The following WWP2 variants were observed in gnomAD, a reference collection of about 807,000 sequenced individuals.
The protein encoded by WWP2 is NEDD4-like E3 ubiquitin-protein ligase WWP2.
In WWP2, 57 loss-of-function variants were observed where a neutral mutation model predicts 121.0. The observed-to-expected ratio is 0.47, with a 90% CI of 0.38 to 0.59. WWP2 has a LOEUF of 0.59. WWP2 is among the 20% of genes least tolerant of loss of function. The pLI, the probability that WWP2 is intolerant of heterozygous loss-of-function variation, is 0.00. For synonymous variants in WWP2, 449 were observed against 441.3 expected (o/e 1.02, Z -0.22); for missense variants, 962 against 1,158.9 (o/e 0.83, Z 2.47).
At chr16:69,815,742 G>A (rs1198157336) in intron 4 of WWP2, among the ~76,000 whole-genome samples, 2 of 146,252 alleles carry the variant, frequency 1.4e-5, no homozygotes, top group South Asian at 2.2e-4. Context: ...AGCCGAGATC[G>A]CCCCATTGCA....
rs568465895 is a variant in WWP2 at position 69,940,361 on chromosome 16, G to A, written c.*421G>A. 4.1e-5 allele frequency: 7 copies of A among 172,084 alleles called. No homozygotes were observed. The highest frequency in any genetic ancestry group is 3.5e-4 in the South Asian group (2 of 5,740). 10.7% of individuals were successfully genotyped at this position (172,084 alleles called of 1,614,324 possible). A position where few individuals can be genotyped will look rare whatever the true frequency, so the allele number is the denominator to read the frequency against. ...GGGGTGGCTGTTCGGGACTGAGAGCGCCAAGGGTCTTTGCCAGCAAAGGAG... is the reference window on the plus strand; with the variant it reads ...GGGGTGGCTGTTCGGGACTGAGAGCACCAAGGGTCTTTGCCAGCAAAGGAG... On this transcript the variant is annotated 3_prime_UTR_variant, in exon 24 of 24. Coordinates refer to ENST00000359154, the MANE Select transcript of WWP2 (RefSeq NM_001270454.2).
chr16:69,847,978 C>T (rs897302603), intron 6 of WWP2, among the ~76,000 whole-genome samples: 5 of 152,148 alleles, frequency 3.3e-5, no homozygotes, highest in African/African-American at 9.7e-5. Context: ...TAGCACCTCA[C>T]GACTTCCTCT....
intron 4 of WWP2, among the ~76,000 whole-genome samples, chr16:69,822,171 C>T (rs547360596): frequency 6.6e-6 from 1 of 152,284 alleles, no homozygotes; most frequent in East Asian, 1.9e-4. Context: ...CTGACCCCTG[C>T]TTTTCTTTCC....
In WWP2 at chr16:69,873,098, C is replaced by T. The variant is rs374767467; in HGVS notation, c.703+1167C>T. 9.8e-5 allele frequency among the ~76,000 whole-genome samples: 15 copies of T among 152,294 alleles called. 2 individuals carry two copies. The highest frequency in any genetic ancestry group is 3.9e-4 in the East Asian group (2 of 5,186). ...TGGTAAGTGACGCTGAGATAGTTTT[C>T]TAGTGCTCGTGACAGCAGAGGTGTG... On this transcript the variant is annotated intron_variant, in intron 7 of 23. Coordinates refer to ENST00000359154, the MANE Select transcript of WWP2 (RefSeq NM_001270454.2).
At chr16:69,877,642 C>G (rs780086179) in intron 7 of WWP2, among the ~76,000 whole-genome samples, 3 of 151,968 alleles carry the variant, frequency 2.0e-5, no homozygotes, top group African/African-American at 7.3e-5. Context: ...TATCACTAAA[C>G]TTAATAATAT....
chr16:69,866,450 A>G (rs1439838450), intron 6 of WWP2, among the ~76,000 whole-genome samples: 1 of 151,866 alleles, frequency 6.6e-6, no homozygotes, highest in Non-Finnish European at 1.5e-5. Context: ...TTTGCTTTCT[A>G]CAAATTTCTT....
chr16:69,775,951 G>A (rs184469571), intron 1 of WWP2, among the ~76,000 whole-genome samples: 4 of 152,148 alleles, frequency 2.6e-5, no homozygotes, highest in Non-Finnish European at 5.9e-5. Context: ...AATTCCTCTA[G>A]TGTCCTTGTT....
intron 6 of WWP2, among the ~76,000 whole-genome samples, chr16:69,847,405 T>A (rs912644358): frequency 6.9e-6 from 1 of 145,208 alleles, no homozygotes; most frequent in Non-Finnish European, 1.5e-5. Flanking sequence ...TTTTTCTTAT[T>A]TTTTTTTTTT....
In WWP2 at chr16:69,798,677, C is replaced by T. The variant is rs758091198; in HGVS notation, c.71-5C>T. The T allele has an allele frequency of 2.2e-5, 36 of 1,613,078 alleles. No individual in the cohort carries two copies. The highest frequency in any genetic ancestry group is 1.5e-4 in the African/African-American group (11 of 74,886). On this transcript the variant is annotated splice_polypyrimidine_tract_variant and splice_region_variant and intron_variant, in intron 2 of 23. Transcript: ENST00000359154. ...TCTTTGACTTTTTCTTTCTTTCTCT[C>T]CCAGTGGTGTCCGCAAAGCCCAAGG...
intron 6 of WWP2, among the ~76,000 whole-genome samples, chr16:69,861,137 TTCAGGG>T (rs1371354453): frequency 6.6e-6 from 1 of 152,206 alleles, no homozygotes; most frequent in African/African-American, 2.4e-5. Context: ...GCACTCATAA[TTCAGGG>T]TCAGGGGATC....
chr16:69,780,646 G>A (rs141283344), intron 1 of WWP2, among the ~76,000 whole-genome samples: 1 of 152,318 alleles, frequency 6.6e-6, no homozygotes, highest in Admixed American at 6.5e-5. Context: ...AATCTGATGA[G>A]TAGCAAAGAG....
chr16:69,870,134 T>C (rs1445785004), intron 6 of WWP2, among the ~76,000 whole-genome samples: 1 of 152,196 alleles, frequency 6.6e-6, no homozygotes, highest in African/African-American at 2.4e-5. Flanking sequence ...TGTTTGCTTA[T>C]CTGTAAAGCG....
chr16:69,895,141 G>A (rs2058088619), intron 8 of WWP2: 1 of 152,176 alleles, frequency 6.6e-6, no homozygotes, highest in Admixed American at 6.5e-5. Context: ...TATCAAGGAC[G>A]ACAGCCTTGT....
chr16:69,880,579 G>A (rs573468240), intron 7 of WWP2, among the ~76,000 whole-genome samples: 6 of 152,246 alleles, frequency 3.9e-5, no homozygotes, highest in African/African-American at 7.2e-5. Context: ...GTATGGCTTC[G>A]TCCATTTTTA....
chr16:69,793,883 G>GT (rs1255059069), intron 2 of WWP2, among the ~76,000 whole-genome samples: 1 of 117,196 alleles, frequency 8.5e-6, no homozygotes, highest in African/African-American at 3.1e-5. Flanking sequence ...AGGTGGTTTC[G>GT]TTTTGGGAAG....
chr16:69,909,077 A>G (rs767124855), intron 9 of WWP2: 171 of 1,317,612 alleles, frequency 1.3e-4, no homozygotes, highest in Non-Finnish European at 1.6e-4. Context: ...TGGGAGGCCA[A>G]GATTTAGAGT....
intron 9 of WWP2, chr16:69,909,795 A>AT (rs2058353460): frequency 1.4e-6 from 1 of 732,756 alleles, no homozygotes; most frequent in Admixed American, 6.3e-5. Flanking sequence ...TTTCAAATAG[A>AT]TATAGAGAGA....
At chr16:69,816,035 A>T (rs1250860381) in intron 4 of WWP2, among the ~76,000 whole-genome samples, 2 of 152,128 alleles carry the variant, frequency 1.3e-5, no homozygotes, top group East Asian at 3.8e-4. Context: ...GCAGCAAGGG[A>T]CAAAAGTAAA....
chr16:69,771,877 C>T lies in WWP2; in HGVS notation c.-16+9486C>T, dbSNP rs576809229. Among the ~76,000 whole-genome samples, 4 of 150,692 alleles carry T rather than the reference C, an allele frequency of 2.7e-5. No homozygotes were observed. The East Asian group carries it at 7.8e-4, about 29-fold the overall frequency. Reference sequence around the variant, plus strand: ...CTGTCTCGCTGGGTCAATATGGTGCCTTATCCCTATTGTCAACTATGCCTG... The same window carrying T: ...CTGTCTCGCTGGGTCAATATGGTGCTTTATCCCTATTGTCAACTATGCCTG... On this transcript the variant is annotated intron_variant, in intron 1 of 23. Transcript: ENST00000359154.
Sources: allele counts gnomAD v4.1 joint callset (sites outside exome capture counted in the v4.1 genomes callset), GRCh38; gene constraint gnomAD v4.1.1; transcripts MANE v1.5; gene names NCBI Gene and HGNC (gene_info 2026-07-23, HGNC 2026-07-21).